The following ZBTB8A variants were observed in gnomAD, a reference collection of about 807,000 sequenced individuals.
ZBTB8A encodes zinc finger and BTB domain containing 8A.
Under a neutral mutation model 37.8 loss-of-function variants are expected in ZBTB8A, and 19 were observed. That is an observed-to-expected ratio of 0.50 (90% confidence interval 0.35 to 0.74). ZBTB8A has a LOEUF of 0.74. Among genes scored for constraint, ZBTB8A ranks in the 30% least tolerant of loss-of-function variants. The pLI, the probability that ZBTB8A is intolerant of heterozygous loss-of-function variation, is 0.01. For synonymous variants in ZBTB8A, 181 were observed against 185.2 expected (o/e 0.98, Z 0.19); for missense variants, 394 against 537.8 (o/e 0.73, Z 2.65).
chr1:32,544,831 C>T (rs1644089698), intron 1 of ZBTB8A, among the ~76,000 whole-genome samples: 1 of 152,170 alleles, frequency 6.6e-6, no homozygotes, highest in Non-Finnish European at 1.5e-5. Context: ...CATATCAGTA[C>T]TTCATTCTTT....
At chr1:32,579,324 G>A (rs1352418620) in intron 2 of ZBTB8A, among the ~76,000 whole-genome samples, 3 of 151,668 alleles carry the variant, frequency 2.0e-5, no homozygotes, top group Non-Finnish European at 1.5e-5. Flanking sequence ...GGTGGCAGAC[G>A]CCTGTAATCT....
At chr1:32,576,186 G>A (rs567485856) in intron 2 of ZBTB8A, among the ~76,000 whole-genome samples, 1 of 152,196 alleles carries the variant, frequency 6.6e-6, no homozygotes, top group East Asian at 1.9e-4. Context: ...GACACATTTT[G>A]TGCTATAAGA....
intron 2 of ZBTB8A, among the ~76,000 whole-genome samples, chr1:32,572,880 C>A (rs1287424780): frequency 7.3e-6 from 1 of 137,658 alleles, no homozygotes; most frequent in East Asian, 2.1e-4. Context: ...TTTTTTTTTT[C>A]TTGGTTGATC....
At chr1:32,561,870 G>A (rs943170323) in intron 2 of ZBTB8A, among the ~76,000 whole-genome samples, 12 of 152,172 alleles carry the variant, frequency 7.9e-5, no homozygotes, top group Non-Finnish European at 1.8e-4. Flanking sequence ...ATTTTGGGGG[G>A]CACAACTCAA....
intron 2 of ZBTB8A, among the ~76,000 whole-genome samples, chr1:32,555,376 G>A (rs562482365): frequency 1.2e-4 from 19 of 152,022 alleles, no homozygotes; most frequent in African/African-American, 3.1e-4. Context: ...GCGACAGAGC[G>A]ACACTCTGTC....
intron 1 of ZBTB8A, among the ~76,000 whole-genome samples, chr1:32,548,730 T>TTAA (rs1279483152): frequency 2.6e-5 from 4 of 152,216 alleles, no homozygotes; most frequent in Admixed American, 6.6e-5. Context: ...GTTTAGATAA[T>TTAA]TAATAATAAT....
At chr1:32,558,836 A>G (rs1195652373) in intron 2 of ZBTB8A, among the ~76,000 whole-genome samples, 3 of 152,208 alleles carry the variant, frequency 2.0e-5, no homozygotes, top group Admixed American at 6.5e-5. Flanking sequence ...GACAATGATG[A>G]TAAGAATTAT....
chr1:32,554,917 C>T (rs1038308196), intron 2 of ZBTB8A, among the ~76,000 whole-genome samples: 5 of 152,160 alleles, frequency 3.3e-5, no homozygotes, highest in African/African-American at 1.2e-4. Flanking sequence ...TTATCTAGAT[C>T]AGTCCTTTTA....
At chr1:32,584,456 C>T (rs1404490810) in intron 2 of ZBTB8A, among the ~76,000 whole-genome samples, 1 of 151,340 alleles carries the variant, frequency 6.6e-6, no homozygotes, top group African/African-American at 2.4e-5. Context: ...CAAAAGGGCA[C>T]CAATCAAACT....
At position 32,600,629 on chromosome 1, in the gene ZBTB8A, A is replaced by G. The variant is rs761206915; in HGVS notation, c.*210A>G. 3.1e-5 allele frequency: 16 copies of G among 519,598 alleles called. No homozygotes were observed. The highest frequency in any genetic ancestry group is 5.1e-5 in the Non-Finnish European group (15 of 293,598). The allele number at this position is 519,598 out of a possible 1,614,324, so 32.2% of individuals were successfully genotyped here. On this transcript the variant is annotated 3_prime_UTR_variant, in exon 5 of 5. Coordinates refer to ENST00000373510, the MANE Select transcript of ZBTB8A (RefSeq NM_001040441.3). ...TGTGTTGCTGCACTGGAAAGAAAGA[A>G]CTAGCTTGAGTTGGCTTGATGGATG...
At chr1:32,579,803 C>G (rs937680894) in intron 2 of ZBTB8A, among the ~76,000 whole-genome samples, 2 of 152,146 alleles carry the variant, frequency 1.3e-5, no homozygotes, top group South Asian at 2.1e-4. Context: ...TTCAGTTTTT[C>G]TAATTGTTTA....
At chr1:32,552,747 T>G (rs1416529899) in intron 1 of ZBTB8A, among the ~76,000 whole-genome samples, 1 of 151,660 alleles carries the variant, frequency 6.6e-6, no homozygotes, top group Non-Finnish European at 1.5e-5. Context: ...TCTTATAAAC[T>G]TTAATATTAA....
At chr1:32,558,316 C>G (rs996604571) in intron 2 of ZBTB8A, among the ~76,000 whole-genome samples, 1 of 151,980 alleles carries the variant, frequency 6.6e-6, no homozygotes, top group African/African-American at 2.4e-5. Context: ...GCCATTTTCT[C>G]TTTTTTTCTT....
At chr1:32,544,582 G>A (rs1160611620) in intron 1 of ZBTB8A, among the ~76,000 whole-genome samples, 3 of 152,092 alleles carry the variant, frequency 2.0e-5, no homozygotes, top group Non-Finnish European at 2.9e-5. Context: ...CTGTAATCCC[G>A]GCTACTCAGG....
At chr1:32,573,327 G>A (rs1218858243) in intron 2 of ZBTB8A, among the ~76,000 whole-genome samples, 3 of 150,750 alleles carry the variant, frequency 2.0e-5, no homozygotes, top group African/African-American at 7.3e-5. Context: ...GCCCGCCTCG[G>A]CCTCCCAAAG....
chr1:32,551,612 T>C (rs529476777), intron 1 of ZBTB8A, among the ~76,000 whole-genome samples: 32 of 152,106 alleles, frequency 2.1e-4, no homozygotes, highest in African/African-American at 7.5e-4. Flanking sequence ...CTCGGCAGGC[T>C]GAGGCAGGAT....
At chr1:32,540,186 A>G (rs563468618) in intron 1 of ZBTB8A, among the ~76,000 whole-genome samples, 1 of 152,002 alleles carries the variant, frequency 6.6e-6, no homozygotes, top group Non-Finnish European at 1.5e-5. Context: ...ACGGAACCTT[A>G]CATGCTCATC....
At chr1:32,573,663 G>A (rs573463189) in intron 2 of ZBTB8A, among the ~76,000 whole-genome samples, 16 of 147,796 alleles carry the variant, frequency 1.1e-4, no homozygotes, top group African/African-American at 3.5e-4. Context: ...CGAACTCCTG[G>A]GCTCAAGTGA....
chr1:32,588,374 ATTGC>A (rs1644464090), intron 2 of ZBTB8A, among the ~76,000 whole-genome samples: 1 of 152,018 alleles, frequency 6.6e-6, no homozygotes, highest in Non-Finnish European at 1.5e-5. Flanking sequence ...TGCAGAGCTG[ATTGC>A]TTGCTTGGTG....
Sources: allele counts gnomAD v4.1 joint callset (sites outside exome capture counted in the v4.1 genomes callset), GRCh38; gene constraint gnomAD v4.1.1; transcripts MANE v1.5; gene names NCBI Gene and HGNC (gene_info 2026-07-23, HGNC 2026-07-21).